SGSM3: variants seen among roughly 807,000 people sequenced by gnomAD.
SGSM3 encodes RUN and SH3 containing 3.
A neutral mutation model predicts 100.5 loss-of-function variants in SGSM3; 96 were observed. The ratio of observed to expected loss-of-function variants is 0.96; its 90% confidence interval spans 0.81 to 1.13. The LOEUF (loss-of-function observed/expected upper bound fraction) is 1.13, where lower values mean the gene tolerates loss of function less well. SGSM3 is among the 50% of genes most tolerant of loss of function. The pLI, the probability that SGSM3 is intolerant of heterozygous loss-of-function variation, is 0.00. For synonymous variants in SGSM3, 483 were observed against 422.8 expected, an observed-to-expected ratio of 1.14 and a Z score of -1.75; for missense variants, 1,001 against 1,015.8, an observed-to-expected ratio of 0.99 and a Z score of 0.20.
intron 1 of SGSM3, among the ~76,000 whole-genome samples, chr22:40,370,905 G>A (rs2146694865): frequency 6.6e-6 from 1 of 152,332 alleles, no homozygotes; most frequent in East Asian, 1.9e-4. Context: ...GGGCGGGGAG[G>A]TCGGCTGCGT....
chr22:40,379,920 A>T (rs2047283827), intron 1 of SGSM3, among the ~76,000 whole-genome samples: 3 of 152,124 alleles, frequency 2.0e-5, no homozygotes, highest in African/African-American at 7.2e-5. Flanking sequence ...CATGTTGCCC[A>T]GGGTGGTCTC....
intron 15 of SGSM3, 23 bp from the exon 16 acceptor site, chr22:40,408,254 C>T (rs1288186951): frequency 6.2e-7 from 1 of 1,612,292 alleles, no homozygotes; most frequent in South Asian, 1.1e-5. Flanking sequence ...GCAGGGCTTT[C>T]TCAGACCCAT....
At chr22:40,404,699 G>A (rs1305308501) in intron 6 of SGSM3, 35 bp downstream of exon 6, 1 of 1,465,526 alleles carries the variant, frequency 6.8e-7, no homozygotes, top group Non-Finnish European at 9.5e-7. Context: ...AAGAGCTGGA[G>A]GCTGTGTGGG....
intron 1 of SGSM3, chr22:40,390,417 T>C (rs192778495): frequency 6.6e-6 from 1 of 152,312 alleles, no homozygotes; most frequent in East Asian, 1.9e-4. Flanking sequence ...CTGCACACCA[T>C]TTTATTCTAT....
At chr22:40,371,440 G>A (rs928624210) in intron 1 of SGSM3, among the ~76,000 whole-genome samples, 3 of 152,156 alleles carry the variant, frequency 2.0e-5, no homozygotes, top group African/African-American at 7.2e-5. Flanking sequence ...GTCCTGGAAT[G>A]TTCTACACCT....
chr22:40,378,310 G>A (rs996044001), intron 1 of SGSM3: 2 of 152,332 alleles, frequency 1.3e-5, no homozygotes, highest in South Asian at 2.1e-4. Flanking sequence ...GTGTGTGCCT[G>A]TAGTCCTAGC....
rs796837028 is a variant in SGSM3, at chr22:40,377,444, A to G, written c.-112+6756A>G. Among the ~76,000 whole-genome samples the G allele has an allele frequency of 5.3e-5, 8 of 152,172 alleles. No homozygotes were observed. In the South Asian group the frequency reaches 8.3e-4, roughly 16 times the overall value. On this transcript the variant is annotated intron_variant, in intron 1 of 21. Transcript: ENST00000248929. The stretch of plus-strand genomic sequence containing the variant: ...GTCCTACTACATATCCTTCCAATAC[A>G]TTCCTGTCTTTCATAACTTAAGTTA...
At chr22:40,409,592 A>C in intron 21 of SGSM3, 67 bp downstream of exon 21, 1 of 1,613,358 alleles carries the variant, frequency 6.2e-7, no homozygotes, top group Non-Finnish European at 8.5e-7. Flanking sequence ...GGGGTGGCTA[A>C]GGTGGGAACC....
intron 1 of SGSM3, chr22:40,390,324 A>G (rs2049179844): frequency 6.6e-6 from 1 of 152,252 alleles, no homozygotes; most frequent in African/African-American, 2.4e-5. Context: ...CCTTTATTTT[A>G]TATGAAAATT....
intron 1 of SGSM3, among the ~76,000 whole-genome samples, chr22:40,383,311 T>TA (rs2047879620): frequency 6.6e-6 from 1 of 151,566 alleles, no homozygotes; most frequent in South Asian, 2.1e-4. Context: ...ACTAAAAATA[T>TA]AAAAAATTAG....
chr22:40,381,771 A>T (rs956833737), intron 1 of SGSM3, among the ~76,000 whole-genome samples: 1 of 152,164 alleles, frequency 6.6e-6, no homozygotes, highest in African/African-American at 2.4e-5. Flanking sequence ...CCTGAGCAAC[A>T]TGGCAAAACC....
Position 40,408,363 on chromosome 22 carries a change from C to T in SGSM3, c.1716C>T (p.Phe572=), listed in dbSNP as rs747145895. The T allele has an allele frequency of 3.1e-5, 50 of 1,613,474 alleles. No individual in the cohort carries two copies. The highest frequency in any genetic ancestry group is 3.0e-4 in the South Asian group (27 of 91,090). The change falls in exon 16 of 22, where the codon TTC becomes TTT. Residue 572 remains phenylalanine, a synonymous_variant. Coordinates refer to ENST00000248929, the MANE Select transcript of SGSM3 (RefSeq NM_015705.6). ...GTLCPALKAL[F]EHGLKKPSLL... ...TCTGCCCGGCCCTTAAGGCCCTGTT[C>T]GAACATGGACTGAAGAAGCCATCCC... is the stretch of plus-strand genomic sequence containing the variant.
chr22:40,401,399 C>T (rs2050741382), intron 2 of SGSM3, among the ~76,000 whole-genome samples, 194 bp from the exon 3 acceptor site: 2 of 152,176 alleles, frequency 1.3e-5, no homozygotes, highest in South Asian at 4.1e-4. Flanking sequence ...AGGCATGTGC[C>T]ACCACGCCCA....
chr22:40,375,015 C>T (rs1169669619), intron 1 of SGSM3, among the ~76,000 whole-genome samples: 3 of 152,180 alleles, frequency 2.0e-5, no homozygotes, highest in Non-Finnish European at 4.4e-5. Context: ...AATCACCTCC[C>T]CTTTTTGAAA....
At chr22:40,408,895 G>T (rs779563552) in intron 18 of SGSM3, 38 bp from the exon 19 acceptor site, 5 of 1,613,866 alleles carry the variant, frequency 3.1e-6, no homozygotes, top group South Asian at 1.1e-5. Context: ...GTTAGCCTGT[G>T]GGGGAGCCTG....
rs1244677142 is a variant in SGSM3 at position 40,406,566 on chromosome 22, T to C, written c.1089T>C (p.Asp363=). The C allele has an allele frequency of 1.9e-6, 3 of 1,613,030 alleles. No homozygotes were observed. The highest frequency in any genetic ancestry group is 2.5e-6 in the Non-Finnish European group (3 of 1,179,890). ...TGCGGCTGGCCGGCTCCCTCACCGA[T>C]GTGGCCGTGGAGACTCAGCGCCGCA... is the stretch of plus-strand genomic sequence containing the variant. ...VAMRLAGSLT[D]VAVETQRRKH... Residue 363 remains aspartate (D), a synonymous_variant, in exon 10 of 22, where the codon GAT becomes GAC. Coordinates refer to ENST00000248929, the MANE Select transcript of SGSM3 (RefSeq NM_015705.6).
intron 9 of SGSM3, 90 bp downstream of exon 9, chr22:40,406,313 GC>G: frequency 1.3e-6 from 2 of 1,550,648 alleles, no homozygotes; most frequent in Non-Finnish European, 1.7e-6. Context: ...GGCAAGACCA[GC>G]CCCCTGGCCC....
intron 1 of SGSM3, among the ~76,000 whole-genome samples, chr22:40,393,628 C>T (rs2049655971): frequency 6.6e-6 from 1 of 152,194 alleles, no homozygotes; most frequent in Admixed American, 6.5e-5. Flanking sequence ...ATCACCCACT[C>T]CTTGTCTTAG....
chr22:40,374,260 G>C (rs924184935), intron 1 of SGSM3, among the ~76,000 whole-genome samples: 6 of 152,076 alleles, frequency 3.9e-5, no homozygotes, highest in African/African-American at 1.4e-4. Context: ...CCAATAGGGC[G>C]GTTTTTATAG....
Sources: allele counts gnomAD v4.1 joint callset (sites outside exome capture counted in the v4.1 genomes callset), GRCh38; gene constraint gnomAD v4.1.1; transcripts MANE v1.5; gene names NCBI Gene and HGNC (gene_info 2026-07-23, HGNC 2026-07-21).